GAB2: variants seen among roughly 807,000 people sequenced by gnomAD.
The protein encoded by GAB2 is GRB2-associated-binding protein 2.
GAB2 carries 26 observed loss-of-function variants against 65.5 expected under a neutral mutation model. The ratio of observed to expected loss-of-function variants is 0.40; its 90% CI spans 0.29 to 0.55. The LOEUF (loss-of-function observed/expected upper bound fraction) is 0.55. Among genes scored for constraint, GAB2 ranks in the 20% least tolerant of loss-of-function variants. The probability of loss-of-function intolerance (pLI) is 0.53; values close to 1 mark genes in which losing one functional copy is unlikely to be tolerated. For synonymous variants in GAB2, 321 were observed against 329.6 expected (o/e 0.97, Z 0.28); for missense variants, 884 against 875.8 (o/e 1.01, Z -0.12).
intron 1 of GAB2, among the ~76,000 whole-genome samples, chr11:78,372,321 A>G (rs114688326): frequency 0.012 from 1,881 of 152,284 alleles, 30 homozygotes; most frequent in African/African-American, 0.043. Flanking sequence ...TGACCTCTGG[A>G]ACAGATGTGA....
intron 1 of GAB2, among the ~76,000 whole-genome samples, chr11:78,342,539 G>A (rs112223379): frequency 0.057 from 8,608 of 151,468 alleles, 771 homozygotes; most frequent in African/African-American, 0.2. Context: ...CTCCCGAGTA[G>A]CTGGGACTAC....
intron 1 of GAB2, among the ~76,000 whole-genome samples, chr11:78,416,908 G>C (rs1294460568): frequency 3.3e-5 from 5 of 152,104 alleles, no homozygotes; most frequent in Non-Finnish European, 5.9e-5. Context: ...CTGTCGGTTG[G>C]CAACACCTGG....
intron 1 of GAB2, among the ~76,000 whole-genome samples, chr11:78,409,608 A>T (rs1354339689): frequency 6.6e-6 from 1 of 152,144 alleles, no homozygotes; most frequent in Non-Finnish European, 1.5e-5. Context: ...AAAAAAAATA[A>T]AATATGTGAA....
At chr11:78,388,439 A>C (rs1037340232) in intron 1 of GAB2, among the ~76,000 whole-genome samples, 1 of 151,528 alleles carries the variant, frequency 6.6e-6, no homozygotes, top group Non-Finnish European at 1.5e-5. Flanking sequence ...CAATCCTCCT[A>C]CCTCAGCCTC....
At chr11:78,405,877 C>T (rs376133083) in intron 1 of GAB2, among the ~76,000 whole-genome samples, 14 of 152,180 alleles carry the variant, frequency 9.2e-5, no homozygotes, top group African/African-American at 2.9e-4. Flanking sequence ...CTCTCTCTAG[C>T]CAAAGGACTG....
rs755491847 is a variant in GAB2, at chr11:78,280,731, A to G, written c.246T>C (p.Asp82=). The change falls in exon 2 of 10, where the codon GAT becomes GAC. Residue 82 remains aspartate, a synonymous_variant. Coordinates refer to ENST00000361507, the MANE Select transcript of GAB2 (RefSeq NM_080491.3). ...TGGTCTTGATGTCAAACACAAAACTATCCTGCAGCTCCTTCTTGTTAAAGG... is the reference window on the plus strand; with the variant it reads ...TGGTCTTGATGTCAAACACAAAACTGTCCTGCAGCTCCTTCTTGTTAAAGG... ...GLTFNKKELQ[D]SFVFDIKTSE... 1.1e-5 allele frequency: 18 copies of G among 1,614,006 alleles called. No homozygotes were observed. In the Admixed American group the frequency reaches 2.3e-4, roughly 21 times the overall value.
intron 1 of GAB2, among the ~76,000 whole-genome samples, chr11:78,309,312 C>T (rs915842139): frequency 6.6e-6 from 1 of 152,070 alleles, no homozygotes; most frequent in Admixed American, 6.5e-5. Context: ...CAAGGTTGTA[C>T]AACCATCACC....
intron 2 of GAB2, among the ~76,000 whole-genome samples, chr11:78,269,345 A>G (rs1274243460): frequency 1.3e-5 from 2 of 152,246 alleles, no homozygotes; most frequent in Non-Finnish European, 2.9e-5. Flanking sequence ...TGAGGGAGGA[A>G]AAGGCCCTCC....
intron 1 of GAB2, among the ~76,000 whole-genome samples, chr11:78,299,671 A>G (rs530439160): frequency 1.3e-5 from 2 of 152,220 alleles, no homozygotes; most frequent in African/African-American, 2.4e-5. Flanking sequence ...GAGGGAAATC[A>G]TTCAAAGGAT....
chr11:78,362,668 A>T (rs1856449102), intron 1 of GAB2, among the ~76,000 whole-genome samples: 1 of 152,166 alleles, frequency 6.6e-6, no homozygotes, highest in African/African-American at 2.4e-5. Flanking sequence ...TTCTCAAGTT[A>T]AAAGAAAGAC....
At chr11:78,315,592 C>T (rs539523121) in intron 1 of GAB2, among the ~76,000 whole-genome samples, 1 of 152,232 alleles carries the variant, frequency 6.6e-6, no homozygotes, top group South Asian at 2.1e-4. Context: ...AAAAATGTTT[C>T]ATGACAATGG....
At chr11:78,381,103 T>A (rs1051050570) in intron 1 of GAB2, among the ~76,000 whole-genome samples, 2 of 152,170 alleles carry the variant, frequency 1.3e-5, no homozygotes, top group African/African-American at 4.8e-5. Flanking sequence ...ATCTCACTAT[T>A]TAAGGTTGAC....
In GAB2 at chr11:78,250,307, TTGC is replaced by T. The variant is rs761168695; in HGVS notation, c.467_469del (p.Arg156_Lys157delinsGln). 6.2e-7 allele frequency: 1 copy of T among 1,613,362 alleles called. No individual in the cohort carries two copies. The highest frequency in any genetic ancestry group is 8.5e-7 in the Non-Finnish European group (1 of 1,179,886). ...GCTGGAGTGTGATGGGGCTGAGGACTTGCGCTCTCGGAGAAGGTGCTGGCTAGA... is the reference window on the plus strand; with the variant it reads ...GCTGGAGTGTGATGGGGCTGAGGACTGCTCTCGGAGAAGGTGCTGGCTAGA... On this transcript the variant is annotated inframe_deletion, in exon 3 of 10. Coordinates refer to ENST00000361507, the MANE Select transcript of GAB2 (RefSeq NM_080491.3).
At chr11:78,286,688 G>T (rs1237201537) in intron 1 of GAB2, among the ~76,000 whole-genome samples, 1 of 152,068 alleles carries the variant, frequency 6.6e-6, no homozygotes. Flanking sequence ...GAGGATTACA[G>T]AAAAAAGAAT....
chr11:78,397,195 A>C (rs1856913326), intron 1 of GAB2, among the ~76,000 whole-genome samples: 1 of 152,360 alleles, frequency 6.6e-6, no homozygotes, highest in African/African-American at 2.4e-5. Flanking sequence ...AACAAACAAA[A>C]AAAACCCAAA....
intron 1 of GAB2, among the ~76,000 whole-genome samples, chr11:78,303,378 T>C (rs1867086948): frequency 6.6e-6 from 1 of 152,240 alleles, no homozygotes; most frequent in African/African-American, 2.4e-5. Flanking sequence ...TCAATTTTTT[T>C]ACACATGGAT....
intron 3 of GAB2, among the ~76,000 whole-genome samples, chr11:78,229,764 C>A (rs1000309332): frequency 1.6e-4 from 25 of 152,202 alleles, no homozygotes; most frequent in Non-Finnish European, 1.0e-4. Context: ...GGATCCAAAC[C>A]AAACTTTGCA....
chr11:78,333,058 T>C (rs1855942164), intron 1 of GAB2, among the ~76,000 whole-genome samples: 1 of 152,128 alleles, frequency 6.6e-6, no homozygotes, highest in Admixed American at 6.5e-5. Flanking sequence ...AGGATAATGC[T>C]GGGCTTTGTT....
At chr11:78,254,549 C>A (rs1005157793) in intron 2 of GAB2, among the ~76,000 whole-genome samples, 10 of 152,130 alleles carry the variant, frequency 6.6e-5, no homozygotes, top group African/African-American at 2.4e-4. Flanking sequence ...CTTGTAATCC[C>A]AACGCTTTGG....
Sources: allele counts gnomAD v4.1 joint callset (sites outside exome capture counted in the v4.1 genomes callset), GRCh38; gene constraint gnomAD v4.1.1; transcripts MANE v1.5; gene names NCBI Gene and HGNC (gene_info 2026-07-23, HGNC 2026-07-21).